The following GABRB2 variants were observed in gnomAD, a reference collection of about 807,000 sequenced individuals.
The protein encoded by GABRB2 is gamma-aminobutyric acid type A receptor subunit beta2.
GABRB2 carries 16 observed loss-of-function variants against 54.7 expected under a neutral mutation model. The ratio of observed to expected loss-of-function variants is 0.29; its 90% confidence interval spans 0.20 to 0.44. The LOEUF is 0.44. GABRB2 is among the 20% of genes least tolerant of loss of function. The probability of loss-of-function intolerance (pLI) is 1.00; values close to 1 mark genes in which losing one functional copy is unlikely to be tolerated. For missense variants in GABRB2, 355 were observed against 644.0 expected (o/e 0.55, Z 4.86); for synonymous variants, 244 against 233.8 (o/e 1.04, Z -0.40).
chr5:161,356,278 A>G (rs1047360208), intron 5 of GABRB2, among the ~76,000 whole-genome samples: 16 of 152,190 alleles, frequency 1.1e-4, no homozygotes, highest in Non-Finnish European at 2.9e-5. Context: ...TTATTTTTTA[A>G]GTAGCAACAT....
At chr5:161,330,042 TG>T (rs1753784268) in intron 8 of GABRB2, 1 of 152,214 alleles carries the variant, frequency 6.6e-6, no homozygotes, top group Non-Finnish European at 1.5e-5. Context: ...AAAATTGTGT[TG>T]CCCATGCTTT....
intron 5 of GABRB2, among the ~76,000 whole-genome samples, chr5:161,363,081 A>C (rs1355884264): frequency 6.6e-6 from 1 of 152,224 alleles, no homozygotes; most frequent in East Asian, 1.9e-4. Flanking sequence ...ATGCACACGT[A>C]TGTTAATTGC....
rs781071477 is a variant in GABRB2, at chr5:161,294,286, C to A, written c.1334G>T (p.Gly445Val). The A allele has an allele frequency of 1.2e-6, 2 of 1,614,102 alleles. No homozygotes were observed. Among genetic ancestry groups the A allele is most frequent in the Non-Finnish European group, 1.7e-6 (2 of 1,179,992 alleles). The change falls in exon 10 of 10, where the codon GGG becomes GTG. Residue 445 changes from glycine (G) to valine (V), a missense_variant. Physicochemically the swap from Gly to Val is moderately radical, Grantham distance 109. Coordinates refer to ENST00000393959, the MANE Select transcript of GABRB2 (RefSeq NM_001371727.1). ...DASSIQYRKA[G>V]LPRHSFGRNA... The stretch of plus-strand genomic sequence containing the variant: ...TCGGCCAAAACTATGCCTGGGCAAC[C>A]CAGCTTTCCGATACTGGATGCTGGA...
At chr5:161,531,640 T>C (rs1760465885) in intron 3 of GABRB2, among the ~76,000 whole-genome samples, 2 of 152,008 alleles carry the variant, frequency 1.3e-5, no homozygotes, top group South Asian at 4.1e-4. Context: ...TACATACCTA[T>C]GATCCAATAT....
At chr5:161,463,196 G>A (rs1017442670) in intron 3 of GABRB2, among the ~76,000 whole-genome samples, 1 of 151,804 alleles carries the variant, frequency 6.6e-6, no homozygotes, top group African/African-American at 2.4e-5. Flanking sequence ...TGATGACTAT[G>A]CAAAGTAGAA....
rs763231952 is a variant in GABRB2, at chr5:161,546,584, G to A, written c.60C>T (p.Ala20=). 23 of 1,599,616 alleles carry A rather than the reference G, an allele frequency of 1.4e-5. No individual in the cohort carries two copies. The highest frequency in any genetic ancestry group is 3.3e-4 in the Middle Eastern group (2 of 6,044). ...ACACTTACCTCTGCGCACAGACAGC[G>A]GCGATTATTAAGGGGAAGGACCAAA... ...FGIWSFPLII[A]AVCAQSVNDP... Residue 20 remains alanine (A), a synonymous_variant, in exon 1 of 10, where the codon GCC becomes GCT. Coordinates refer to ENST00000393959, the MANE Select transcript of GABRB2 (RefSeq NM_001371727.1).
intron 8 of GABRB2, chr5:161,330,147 T>C (rs1402836280): frequency 6.6e-6 from 1 of 152,202 alleles, no homozygotes; most frequent in Non-Finnish European, 1.5e-5. Context: ...GCACCCATGA[T>C]TGAAAACTAC....
At chr5:161,505,121 T>G (rs185837838) in intron 3 of GABRB2, among the ~76,000 whole-genome samples, 29 of 151,604 alleles carry the variant, frequency 1.9e-4, no homozygotes, top group East Asian at 1.2e-3. Context: ...TTTTTTTTTT[T>G]TTTGTTTGTT....
intron 5 of GABRB2, among the ~76,000 whole-genome samples, chr5:161,344,496 A>C (rs114154909): frequency 1.3e-5 from 2 of 151,952 alleles, no homozygotes; most frequent in Admixed American, 1.3e-4. Context: ...TTTATGCTAC[A>C]TATGCTGGTA....
intron 5 of GABRB2, among the ~76,000 whole-genome samples, chr5:161,381,540 T>C (rs1307088419): frequency 6.6e-6 from 1 of 152,124 alleles, no homozygotes; most frequent in Non-Finnish European, 1.5e-5. Context: ...TACTCTGACA[T>C]GGTTGATGCA....
At chr5:161,310,995 C>G (rs767483399) in intron 9 of GABRB2, among the ~76,000 whole-genome samples, 1 of 152,082 alleles carries the variant, frequency 6.6e-6, no homozygotes, top group Non-Finnish European at 1.5e-5. Context: ...CTCCTCACCT[C>G]GTGATCTGCC....
intron 5 of GABRB2, among the ~76,000 whole-genome samples, chr5:161,341,594 A>G (rs138066032): frequency 0.012 from 1,817 of 151,804 alleles, 33 homozygotes; most frequent in African/African-American, 0.04. Context: ...TATAAAATAT[A>G]TATCTATAAG....
At chr5:161,322,261 A>G (rs1474132436) in intron 9 of GABRB2, among the ~76,000 whole-genome samples, 2 of 152,172 alleles carry the variant, frequency 1.3e-5, no homozygotes, top group Non-Finnish European at 2.9e-5. Context: ...TTTGAGATAG[A>G]GTCTCCCTCT....
intron 5 of GABRB2, among the ~76,000 whole-genome samples, chr5:161,366,245 G>A (rs1322762262): frequency 6.6e-6 from 1 of 151,954 alleles, no homozygotes; most frequent in Non-Finnish European, 1.5e-5. Context: ...AAAATGAAAA[G>A]TATGACTGGC....
chr5:161,358,097 A>C (rs1754693701), intron 5 of GABRB2, among the ~76,000 whole-genome samples: 1 of 152,216 alleles, frequency 6.6e-6, no homozygotes, highest in Non-Finnish European at 1.5e-5. Flanking sequence ...TGTATTAAGA[A>C]TTCAGGTTGA....
intron 9 of GABRB2, among the ~76,000 whole-genome samples, chr5:161,315,242 G>A (rs1203707509): frequency 6.6e-6 from 1 of 152,178 alleles, no homozygotes; most frequent in Non-Finnish European, 1.5e-5. Flanking sequence ...TATTGATTGT[G>A]ATTCTTATGC....
chr5:161,463,046 A>G (rs982769254), intron 3 of GABRB2, among the ~76,000 whole-genome samples: 1 of 152,096 alleles, frequency 6.6e-6, no homozygotes, highest in Non-Finnish European at 1.5e-5. Flanking sequence ...CCACGTTATC[A>G]CCACCCGAGA....
Position 161,294,140 on chromosome 5 carries a change from A to G in GABRB2, c.1480T>C (p.Phe494Leu). Residue 494 changes from phenylalanine (F) to leucine (L), a missense_variant, in exon 10 of 10, where the codon TTC becomes CTC. Physicochemically the swap from Phe to Leu is conservative, Grantham distance 22. Transcript: ENST00000393959. ...AAGAAGGAAAAAACCACTGGGAAGA[A>G]TATGCGGGACCACCGATCTATGGCA... ...VNAIDRWSRIFFPVVFSFFNI... is the reference protein window; with the variant it reads ...VNAIDRWSRILFPVVFSFFNI... 6.2e-7 allele frequency: 1 copy of G among 1,614,034 alleles called. No homozygotes were observed. The highest frequency in any genetic ancestry group is 8.5e-7 in the Non-Finnish European group (1 of 1,179,958).
intron 3 of GABRB2, among the ~76,000 whole-genome samples, chr5:161,488,971 C>G (rs1230994852): frequency 6.6e-6 from 1 of 151,608 alleles, no homozygotes; most frequent in Non-Finnish European, 1.5e-5. Context: ...GAGTTTGTGT[C>G]AAGAGATAAA....
Sources: gnomAD v4.1 joint callset for allele counts (sites outside exome capture counted in the v4.1 genomes callset) on GRCh38, gnomAD v4.1.1 for gene constraint, MANE v1.5 for transcripts, NCBI Gene and HGNC (gene_info 2026-07-23, HGNC 2026-07-21) for gene names.